Variants in CLYBL observed in about 807,000 individuals in gnomAD.
CLYBL encodes the protein citramalyl-CoA lyase, mitochondrial.
CLYBL carries 31 observed loss-of-function variants against 38.9 expected under a neutral mutation model. That is an observed-to-expected ratio of 0.80 (90% CI 0.60 to 1.08). The LOEUF is 1.08. CLYBL is among the 50% of genes least tolerant of loss of function. The pLI, the probability that CLYBL is intolerant of heterozygous loss-of-function variation, is 0.00. For synonymous variants in CLYBL, 171 were observed against 158.6 expected, an observed-to-expected ratio of 1.08 and a Z score of -0.59; for missense variants, 434 against 411.6, an observed-to-expected ratio of 1.05 and a Z score of -0.47.
At position 99,752,075 on chromosome 13, in the gene CLYBL, C is replaced by T. The variant is rs555866583; in HGVS notation, c.63-20749C>T. Among the ~76,000 whole-genome samples the T allele has an allele frequency of 7.2e-5, 11 of 152,216 alleles. No homozygotes were observed. In the East Asian group the frequency reaches 1.9e-3, roughly 27 times the overall value. ...CACACACAACATACAAAACCCTGGG[C>T]GTAGACAGTGCAGAGGGCCACGGAT... On this transcript the variant is annotated intron_variant, in intron 1 of 8. Coordinates refer to ENST00000339105, the MANE Select transcript of CLYBL (RefSeq NM_206808.5).
chr13:99,855,392 C>G (rs1438257659), intron 2 of CLYBL, among the ~76,000 whole-genome samples: 1 of 152,178 alleles, frequency 6.6e-6, no homozygotes, highest in Non-Finnish European at 1.5e-5. Flanking sequence ...GCAGGTCACC[C>G]TGAGAGCCCT....
At chr13:99,752,900 C>G (rs948670912) in intron 1 of CLYBL, among the ~76,000 whole-genome samples, 1 of 152,138 alleles carries the variant, frequency 6.6e-6, no homozygotes, top group African/African-American at 2.4e-5. Context: ...TCTCTGAACC[C>G]AGTGGAAGAC....
intron 1 of CLYBL, among the ~76,000 whole-genome samples, chr13:99,730,519 G>A (rs968906384): frequency 4.6e-5 from 7 of 152,182 alleles, no homozygotes; most frequent in African/African-American, 1.7e-4. Context: ...GACAGGCCAT[G>A]CCAGGCGAAG....
intron 2 of CLYBL, among the ~76,000 whole-genome samples, chr13:99,793,964 C>G (rs535458819): frequency 6.6e-6 from 1 of 152,010 alleles, no homozygotes; most frequent in Non-Finnish European, 1.5e-5. Context: ...TCCATTTCCT[C>G]TAATATGAAG....
At chr13:99,792,378 G>A (rs1234612494) in intron 2 of CLYBL, among the ~76,000 whole-genome samples, 2 of 152,162 alleles carry the variant, frequency 1.3e-5, no homozygotes, top group Non-Finnish European at 2.9e-5. Flanking sequence ...GCCACCCTCA[G>A]TAGAGGGGGC....
At chr13:99,907,105 G>A (rs1385684525) in intron 9 of CLYBL, among the ~76,000 whole-genome samples, 1 of 152,164 alleles carries the variant, frequency 6.6e-6, no homozygotes, top group Non-Finnish European at 1.5e-5. Flanking sequence ...TAAAACTGGT[G>A]CTTCTGAAGG....
chr13:99,653,790 AAATTTCAAT>A (rs2047289349), intron 1 of CLYBL, among the ~76,000 whole-genome samples: 1 of 152,158 alleles, frequency 6.6e-6, no homozygotes, highest in South Asian at 2.1e-4. Context: ...TCTCCTGCTC[AAATTTCAAT>A]TGATTCAAGG....
At chr13:99,816,619 C>T (rs964409453) in intron 2 of CLYBL, among the ~76,000 whole-genome samples, 6 of 152,280 alleles carry the variant, frequency 3.9e-5, no homozygotes, top group South Asian at 2.1e-4. Flanking sequence ...ACTGGACTAG[C>T]GCCCATATGA....
chr13:99,622,157 AC>A (rs889686466), intron 1 of CLYBL, among the ~76,000 whole-genome samples: 2 of 152,048 alleles, frequency 1.3e-5, no homozygotes, highest in Non-Finnish European at 2.9e-5. Flanking sequence ...ACTTAGAAGC[AC>A]CCTTGTGATT....
At chr13:99,796,113 A>T (rs1296077673) in intron 2 of CLYBL, among the ~76,000 whole-genome samples, 1 of 152,236 alleles carries the variant, frequency 6.6e-6, no homozygotes, top group Non-Finnish European at 1.5e-5. Context: ...TGGTCAAGAC[A>T]TAAGAGGATT....
chr13:99,891,706 A>G (rs2052494558), intron 8 of CLYBL: 1 of 280,490 alleles, frequency 3.6e-6, no homozygotes. Flanking sequence ...ATGGGCTGTG[A>G]GGCGAAGGTA....
At chr13:99,870,603 A>G (rs537697839) in intron 6 of CLYBL, among the ~76,000 whole-genome samples, 6 of 152,330 alleles carry the variant, frequency 3.9e-5, no homozygotes, top group Non-Finnish European at 7.3e-5. Context: ...TGCAGACATT[A>G]TCCTTTAAAG....
At chr13:99,845,356 C>A (rs541861069) in intron 2 of CLYBL, among the ~76,000 whole-genome samples, 1 of 152,124 alleles carries the variant, frequency 6.6e-6, no homozygotes, top group Non-Finnish European at 1.5e-5. Flanking sequence ...CCTGGCTCAA[C>A]GGCACGGGAA....
chr13:99,739,693 G>T (rs1189558204), intron 1 of CLYBL, among the ~76,000 whole-genome samples: 3 of 152,218 alleles, frequency 2.0e-5, no homozygotes, highest in African/African-American at 7.2e-5. Context: ...TGTACTTGTG[G>T]CCGGGCATGG....
chr13:99,812,143 T>C (rs536088296), intron 2 of CLYBL, among the ~76,000 whole-genome samples: 50 of 152,236 alleles, frequency 3.3e-4, no homozygotes, highest in African/African-American at 1.2e-3. Context: ...TTGCTCCAGG[T>C]TTTGGGGAGG....
intron 1 of CLYBL, among the ~76,000 whole-genome samples, chr13:99,739,327 T>A (rs2048713929): frequency 6.6e-6 from 1 of 152,138 alleles, no homozygotes; most frequent in Non-Finnish European, 1.5e-5. Flanking sequence ...ATATTTTAAG[T>A]CATATTTTCA....
intron 1 of CLYBL, among the ~76,000 whole-genome samples, chr13:99,684,497 C>T (rs901408755): frequency 2.6e-5 from 4 of 152,174 alleles, no homozygotes; most frequent in Admixed American, 6.5e-5. Context: ...AGCTGGATTC[C>T]GACCACATGA....
In CLYBL at chr13:99,678,238, C is replaced by A. The variant is rs148188067; in HGVS notation, c.62+71481C>A. On this transcript the variant is annotated intron_variant, in intron 1 of 8. Transcript: ENST00000339105. ...CAGAAGGTCTGCTCTAACATCTGCA[C>A]TGCGGCAGAGTTGTGTTACAGGGTG... Among the ~76,000 whole-genome samples the A allele has an allele frequency of 8.1e-3, 1,228 of 152,342 alleles. 12 individuals are homozygous for A. The highest frequency in any genetic ancestry group is 0.024 in the Middle Eastern group (7 of 294).
intron 1 of CLYBL, among the ~76,000 whole-genome samples, chr13:99,636,569 C>T (rs1356187544): frequency 1.3e-5 from 2 of 152,170 alleles, no homozygotes; most frequent in East Asian, 1.9e-4. Flanking sequence ...TGAGCCATTC[C>T]TCTTGCCAGG....
Sources: gnomAD v4.1 joint callset for allele counts (sites outside exome capture counted in the v4.1 genomes callset) on GRCh38, gnomAD v4.1.1 for gene constraint, MANE v1.5 for transcripts, NCBI Gene and HGNC (gene_info 2026-07-23, HGNC 2026-07-21) for gene names.